ERBB4: variants seen among roughly 807,000 people sequenced by gnomAD.
ERBB4 encodes the protein receptor tyrosine-protein kinase erbB-4.
In ERBB4, 42 loss-of-function variants were observed where a neutral mutation model predicts 158.0. That is an observed-to-expected ratio of 0.27 (90% confidence interval 0.21 to 0.34). ERBB4 has a LOEUF of 0.34. ERBB4 is among the 10% of genes least tolerant of loss of function. The pLI, the probability that ERBB4 is intolerant of heterozygous loss-of-function variation, is 1.00. For synonymous variants in ERBB4, 583 were observed against 558.7 expected (o/e 1.04, Z -0.61); for missense variants, 1,333 against 1,624.1 (o/e 0.82, Z 3.08).
At chr2:211,751,433 C>T (rs57942310) in intron 4 of ERBB4, among the ~76,000 whole-genome samples, 3,327 of 152,178 alleles carry the variant, frequency 0.022, 142 homozygotes, top group African/African-American at 0.077. Flanking sequence ...TCCTTTGAAT[C>T]TTATTTCTGA....
At chr2:211,826,437 G>T (rs2077100951) in intron 3 of ERBB4, among the ~76,000 whole-genome samples, 2 of 151,544 alleles carry the variant, frequency 1.3e-5, no homozygotes, top group East Asian at 1.9e-4. Context: ...TTCAATGCAG[G>T]TCCCTATTGT....
At chr2:211,597,397 A>C (rs1972143) in intron 19 of ERBB4, among the ~76,000 whole-genome samples, 128,958 of 152,148 alleles carry the variant, frequency 0.85, 55,142 homozygotes, top group Admixed American at 0.91. Context: ...TCAGAACATA[A>C]TAACATAAAT....
chr2:212,209,845 T>C (rs1251292914), intron 1 of ERBB4, among the ~76,000 whole-genome samples: 1 of 152,138 alleles, frequency 6.6e-6, no homozygotes, highest in Non-Finnish European at 1.5e-5. Context: ...TTGGGCAATA[T>C]GTATGTTGTT....
At chr2:211,948,436 C>CAAAAAA (rs55763428) in intron 2 of ERBB4, among the ~76,000 whole-genome samples, 2 of 81,360 alleles carry the variant, frequency 2.5e-5, no homozygotes, top group Non-Finnish European at 4.3e-5. Flanking sequence ...CTCTGTCTCA[C>CAAAAAA]AAAAAAAAAA....
intron 20 of ERBB4, among the ~76,000 whole-genome samples, chr2:211,466,271 A>G (rs1294940324): frequency 2.0e-5 from 3 of 151,600 alleles, no homozygotes; most frequent in Admixed American, 2.0e-4. Flanking sequence ...AAGCTTTTCA[A>G]TGTAAGGTAA....
intron 1 of ERBB4, among the ~76,000 whole-genome samples, chr2:212,173,184 C>T (rs1011880379): frequency 1.3e-5 from 2 of 151,838 alleles, no homozygotes; most frequent in Non-Finnish European, 2.9e-5. Context: ...GAGAACAAAA[C>T]ACAAATCCCT....
At chr2:212,124,946 T>C (rs1478135591) in intron 1 of ERBB4, 43 bp from the exon 2 acceptor site, 20 of 1,600,518 alleles carry the variant, frequency 1.2e-5, no homozygotes, top group Non-Finnish European at 1.7e-5. Flanking sequence ...ATAACCTTTA[T>C]ATGATATGCG....
intron 1 of ERBB4, among the ~76,000 whole-genome samples, chr2:212,438,380 T>C (rs565790431): frequency 1.3e-5 from 2 of 152,220 alleles, no homozygotes; most frequent in African/African-American, 4.8e-5. Flanking sequence ...GAAAAGCTAC[T>C]GGCAAAATTC....
intron 1 of ERBB4, among the ~76,000 whole-genome samples, chr2:212,291,310 G>A (rs1195768195): frequency 6.6e-6 from 1 of 152,024 alleles, no homozygotes; most frequent in East Asian, 1.9e-4. Context: ...CAAAGAAGAA[G>A]TACAAATGAT....
chr2:212,376,333 C>A (rs1170306366), intron 1 of ERBB4, among the ~76,000 whole-genome samples: 1 of 152,058 alleles, frequency 6.6e-6, no homozygotes, highest in Admixed American at 6.6e-5. Context: ...CAAAAGTGGA[C>A]CAGTCAAGAG....
At chr2:211,486,981 GT>G (rs201552066) in intron 20 of ERBB4, among the ~76,000 whole-genome samples, 2,457 of 151,622 alleles carry the variant, frequency 0.016, 37 homozygotes, top group Non-Finnish European at 0.024. Context: ...TTTAAAATAT[GT>G]TTTTTTCTTT....
chr2:212,482,885 G>A (rs1348691598), intron 1 of ERBB4, among the ~76,000 whole-genome samples: 1 of 152,194 alleles, frequency 6.6e-6, no homozygotes, highest in Non-Finnish European at 1.5e-5. Flanking sequence ...GCCTCCCAAA[G>A]TGCTGGGACT....
chr2:212,241,821 G>A (rs2084116877), intron 1 of ERBB4, among the ~76,000 whole-genome samples: 1 of 151,842 alleles, frequency 6.6e-6, no homozygotes, highest in Non-Finnish European at 1.5e-5. Context: ...TTTTCATCAT[G>A]TTTCTATTTA....
chr2:211,571,932 C>T (rs1420695271), intron 19 of ERBB4, among the ~76,000 whole-genome samples: 2 of 152,020 alleles, frequency 1.3e-5, no homozygotes, highest in Admixed American at 6.6e-5. Flanking sequence ...GCCTGCTTTA[C>T]TTTACTATTT....
At chr2:211,646,977 C>T (rs1302785696) in intron 16 of ERBB4, among the ~76,000 whole-genome samples, 2 of 151,624 alleles carry the variant, frequency 1.3e-5, no homozygotes, top group Non-Finnish European at 3.0e-5. Context: ...CCATCTGTCT[C>T]CTCATACCTG....
chr2:212,484,733 T>A (rs577318569), intron 1 of ERBB4, among the ~76,000 whole-genome samples: 1 of 152,340 alleles, frequency 6.6e-6, no homozygotes, highest in South Asian at 2.1e-4. Flanking sequence ...CATCTTTATC[T>A]CTGTCTCCTT....
At chr2:212,316,142 CT>C (rs928370374) in intron 1 of ERBB4, among the ~76,000 whole-genome samples, 1 of 151,388 alleles carries the variant, frequency 6.6e-6, no homozygotes, top group Non-Finnish European at 1.5e-5. Flanking sequence ...CACAGACCAC[CT>C]TTTTTTCCTA....
chr2:211,740,381 A>G (rs2074748057), intron 5 of ERBB4, among the ~76,000 whole-genome samples: 1 of 152,096 alleles, frequency 6.6e-6, no homozygotes, highest in Non-Finnish European at 1.5e-5. Context: ...CAGCCATGAT[A>G]ATATTATAAA....
chr2:211,677,552 A>G (rs2072128053), intron 13 of ERBB4, among the ~76,000 whole-genome samples: 1 of 149,766 alleles, frequency 6.7e-6, no homozygotes, highest in South Asian at 2.1e-4. Context: ...AACAGGAGCA[A>G]AACTTAGACT....
Sources: allele counts gnomAD v4.1 joint callset (sites outside exome capture counted in the v4.1 genomes callset), GRCh38; gene constraint gnomAD v4.1.1; transcripts MANE v1.5; gene names NCBI Gene and HGNC (gene_info 2026-07-23, HGNC 2026-07-21).